TESK2: variants seen among roughly 807,000 people sequenced by gnomAD.
TESK2 encodes the protein testis associated actin remodelling kinase 2, also known as dual specificity testis-specific protein kinase 2.
TESK2 carries 39 observed loss-of-function variants against 57.1 expected under a neutral mutation model. The ratio of observed to expected loss-of-function variants is 0.68; its 90% CI spans 0.53 to 0.89. The LOEUF is 0.89. Among genes scored for constraint, TESK2 ranks in the 40% least tolerant of loss-of-function variants. The probability of loss-of-function intolerance (pLI) is 0.00; values close to 1 mark genes in which losing one functional copy is unlikely to be tolerated. For synonymous variants in TESK2, 249 were observed against 267.9 expected, an observed-to-expected ratio of 0.93 and a Z score of 0.69; for missense variants, 646 against 732.1, an observed-to-expected ratio of 0.88 and a Z score of 1.36.
intron 1 of TESK2, among the ~76,000 whole-genome samples, chr1:45,477,070 A>AAAAAAAT (rs1653027878): frequency 6.6e-6 from 1 of 150,846 alleles, no homozygotes; most frequent in Non-Finnish European, 1.5e-5. Flanking sequence ...AAAAAAAAAA[A>AAAAAAAT]ATACAAAAAT....
chr1:45,404,230 A>G (rs1291870104), intron 3 of TESK2, among the ~76,000 whole-genome samples: 3 of 152,348 alleles, frequency 2.0e-5, no homozygotes. Flanking sequence ...AGGAAAGAAA[A>G]TGTCAATCTA....
intron 4 of TESK2, among the ~76,000 whole-genome samples, chr1:45,372,281 T>G (rs546144036): frequency 1.6e-3 from 235 of 143,594 alleles, no homozygotes; most frequent in Non-Finnish European, 2.9e-3. Context: ...AAAAAAAAGA[T>G]GAAAAAGATC....
At chr1:45,393,787 T>G (rs536017659) in intron 3 of TESK2, among the ~76,000 whole-genome samples, 1 of 151,034 alleles carries the variant, frequency 6.6e-6, no homozygotes, top group Non-Finnish European at 1.5e-5. Context: ...CTCTAAATGT[T>G]GTAAAAAAAC....
chr1:45,347,125 GCCCCTGCCT>G, intron 7 of TESK2, 63 bp from the exon 8 acceptor site: 3 of 1,411,574 alleles, frequency 2.1e-6, no homozygotes, highest in Non-Finnish European at 2.0e-6. Flanking sequence ...ATCTGCCCCT[GCCCCTGCCT>G]CCCCTGCACC....
chr1:45,482,855 C>A (rs1187729137), intron 1 of TESK2, among the ~76,000 whole-genome samples: 1 of 151,620 alleles, frequency 6.6e-6, no homozygotes, highest in African/African-American at 2.4e-5. Context: ...TGGCAGGCCC[C>A]TGTAATCCCA....
At chr1:45,414,287 G>A (rs916891862) in intron 3 of TESK2, among the ~76,000 whole-genome samples, 1 of 152,136 alleles carries the variant, frequency 6.6e-6, no homozygotes, top group Non-Finnish European at 1.5e-5. Context: ...GTATCTTTGA[G>A]ACAGATGGCT....
intron 1 of TESK2, among the ~76,000 whole-genome samples, chr1:45,479,947 C>T (rs920315368): frequency 1.3e-5 from 2 of 150,960 alleles, no homozygotes; most frequent in African/African-American, 4.9e-5. Context: ...CTCAGCCTCC[C>T]GAGTAGCTGG....
At chr1:45,353,026 G>A (rs369647953) in intron 5 of TESK2, among the ~76,000 whole-genome samples, 62 of 152,190 alleles carry the variant, frequency 4.1e-4, no homozygotes, top group Admixed American at 1.4e-3. Flanking sequence ...AGCCTCCCGA[G>A]TAGCTGGGAT....
At chr1:45,399,000 A>AAC (rs1557557842) in intron 3 of TESK2, 1 of 435,144 alleles carries the variant, frequency 2.3e-6, no homozygotes, top group South Asian at 1.7e-5. Context: ...AAAAAAAAAA[A>AAC]AAAAAAACAA....
intron 4 of TESK2, among the ~76,000 whole-genome samples, chr1:45,356,385 G>T (rs1159573309): frequency 6.6e-6 from 1 of 152,118 alleles, no homozygotes; most frequent in Non-Finnish European, 1.5e-5. Context: ...TGTAATCCTA[G>T]AACTTTGAGA....
chr1:45,368,613 G>A (rs557865567), intron 4 of TESK2, among the ~76,000 whole-genome samples: 101 of 152,102 alleles, frequency 6.6e-4, no homozygotes, highest in African/African-American at 2.4e-3. Flanking sequence ...GACCTCAGGT[G>A]ATCCACCTGC....
At chr1:45,381,943 A>C (rs1648672432) in intron 4 of TESK2, among the ~76,000 whole-genome samples, 2 of 137,864 alleles carry the variant, frequency 1.5e-5, no homozygotes, top group Non-Finnish European at 3.0e-5. Flanking sequence ...GGCTCATTGC[A>C]TTCTCAACCT....
chr1:45,470,581 A>G, intron 1 of TESK2, among the ~76,000 whole-genome samples: 1 of 152,242 alleles, frequency 6.6e-6, no homozygotes, highest in East Asian at 1.9e-4. Flanking sequence ...GCTCTTCTAA[A>G]TAAGCATCAT....
chr1:45,432,672 A>C (rs1651021603), intron 2 of TESK2, among the ~76,000 whole-genome samples: 2 of 150,398 alleles, frequency 1.3e-5, no homozygotes, highest in Non-Finnish European at 3.0e-5. Context: ...GCCTGGGCAA[A>C]AGAGCCAGAC....
intron 2 of TESK2, among the ~76,000 whole-genome samples, chr1:45,448,641 G>T (rs1197166828): frequency 6.6e-6 from 1 of 152,062 alleles, no homozygotes; most frequent in Non-Finnish European, 1.5e-5. Flanking sequence ...AACTGAGCAA[G>T]AACTCACTTA....
Position 45,364,602 on chromosome 1 carries a change from T to A in TESK2, c.394-9153A>T, listed in dbSNP as rs114778199. The stretch of plus-strand genomic sequence containing the variant: ...TAAGAAACTAATACATGACCCAAAC[T>A]GCATTTTAGAAAGATCATTCTGGTA... On this transcript the variant is annotated intron_variant, in intron 4 of 10. Coordinates refer to ENST00000372086, the MANE Select transcript of TESK2 (RefSeq NM_007170.3). 2.4e-3 allele frequency among the ~76,000 whole-genome samples: 359 copies of A among 152,296 alleles called. 4 individuals are homozygous for A. Among genetic ancestry groups the A allele is most frequent in the African/African-American group, 8.4e-3 (348 of 41,574 alleles).
At chr1:45,431,328 G>T (rs1199659652) in intron 2 of TESK2, among the ~76,000 whole-genome samples, 1 of 152,098 alleles carries the variant, frequency 6.6e-6, no homozygotes, top group Non-Finnish European at 1.5e-5. Flanking sequence ...TGAGGCAGAA[G>T]AATCGCTTGA....
At chr1:45,350,528 T>C (rs1383902219) in intron 5 of TESK2, among the ~76,000 whole-genome samples, 2 of 152,236 alleles carry the variant, frequency 1.3e-5, no homozygotes, top group Non-Finnish European at 2.9e-5. Context: ...ACTAAGATTC[T>C]ACTGAAAGAC....
At chr1:45,432,502 T>C (rs540105169) in intron 2 of TESK2, among the ~76,000 whole-genome samples, 129 of 151,078 alleles carry the variant, frequency 8.5e-4, no homozygotes, top group Middle Eastern at 3.5e-3. Context: ...CCATCCTGGC[T>C]AACACGGTGA....
Sources: gnomAD v4.1 joint callset for allele counts (sites outside exome capture counted in the v4.1 genomes callset) on GRCh38, gnomAD v4.1.1 for gene constraint, MANE v1.5 for transcripts, NCBI Gene and HGNC (gene_info 2026-07-23, HGNC 2026-07-21) for gene names.